The following MARCHF8 variants were observed in gnomAD, a reference collection of about 807,000 sequenced individuals.
The protein encoded by MARCHF8 is E3 ubiquitin-protein ligase MARCHF8.
MARCHF8 carries 40 observed loss-of-function variants against 51.6 expected under a neutral mutation model. The ratio of observed to expected loss-of-function variants is 0.77; its 90% confidence interval spans 0.60 to 1.01. The LOEUF is 1.01. Among genes scored for constraint, MARCHF8 ranks in the 50% least tolerant of loss-of-function variants. The probability of loss-of-function intolerance (pLI) is 0.00; values close to 1 mark genes in which losing one functional copy is unlikely to be tolerated. For synonymous variants in MARCHF8, 263 were observed against 280.3 expected (o/e 0.94, Z 0.62); for missense variants, 685 against 708.6 (o/e 0.97, Z 0.38).
At chr10:45,494,738 C>T (rs571683444) in intron 2 of MARCHF8, among the ~76,000 whole-genome samples, 6 of 152,268 alleles carry the variant, frequency 3.9e-5, no homozygotes, top group Admixed American at 2.0e-4. Context: ...CGTAATACCA[C>T]GAAGTAAAGC....
chr10:45,590,659 A>G (rs1031406954), intron 1 of MARCHF8, among the ~76,000 whole-genome samples: 1 of 152,254 alleles, frequency 6.6e-6, no homozygotes, highest in Non-Finnish European at 1.5e-5. Context: ...TGCCATTTAT[A>G]TAAAGTTTAA....
intron 2 of MARCHF8, among the ~76,000 whole-genome samples, chr10:45,518,009 A>T (rs541825687): frequency 1.6e-4 from 25 of 152,236 alleles, no homozygotes; most frequent in Non-Finnish European, 3.5e-4. Context: ...GAATATTTTA[A>T]GTTAAAACTT....
intron 1 of MARCHF8, among the ~76,000 whole-genome samples, chr10:45,571,903 T>G (rs2044433078): frequency 6.6e-6 from 1 of 152,208 alleles, no homozygotes; most frequent in South Asian, 2.1e-4. Context: ...AGTCATAGAC[T>G]CAGGAAGACA....
chr10:45,471,827 G>T (rs1314293723), intron 3 of MARCHF8, among the ~76,000 whole-genome samples: 4 of 152,144 alleles, frequency 2.6e-5, no homozygotes, highest in Non-Finnish European at 5.9e-5. Flanking sequence ...ACCACTCCAG[G>T]CACACCTCCA....
intron 6 of MARCHF8, 156 bp downstream of exon 6, chr10:45,461,075 A>C (rs1288864930): frequency 2.2e-6 from 1 of 464,526 alleles, no homozygotes; most frequent in African/African-American, 2.0e-5. Flanking sequence ...GAAAATCAGC[A>C]CCAGAAACAA....
intron 3 of MARCHF8, among the ~76,000 whole-genome samples, chr10:45,487,608 C>G (rs2043005470): frequency 1.3e-5 from 2 of 152,012 alleles, no homozygotes; most frequent in African/African-American, 4.8e-5. Context: ...GCCAAAGGGA[C>G]AGCAAAAGAA....
chr10:45,515,669 G>A (rs1004180420), intron 2 of MARCHF8, among the ~76,000 whole-genome samples: 4 of 152,244 alleles, frequency 2.6e-5, no homozygotes, highest in South Asian at 2.1e-4. Flanking sequence ...TTCACTGTCC[G>A]GACATGTGTA....
At chr10:45,550,687 A>T (rs191977823) in intron 1 of MARCHF8, among the ~76,000 whole-genome samples, 9,359 of 151,800 alleles carry the variant, frequency 0.062, 322 homozygotes, top group Non-Finnish European at 0.066. Flanking sequence ...CATGCCATGT[A>T]CAACCTTACC....
chr10:45,586,571 G>C (rs1220404041), intron 1 of MARCHF8, among the ~76,000 whole-genome samples: 1 of 152,086 alleles, frequency 6.6e-6, no homozygotes, highest in Non-Finnish European at 1.5e-5. Context: ...GTTTTCCAAA[G>C]TGCCTGTACA....
upstream of MARCHF8, among the ~76,000 whole-genome samples, chr10:45,538,112 T>C (rs578048517): frequency 6.6e-6 from 1 of 152,164 alleles, no homozygotes; most frequent in Non-Finnish European, 1.5e-5. Flanking sequence ...GACTAACAGC[T>C]GATCTCTCGG....
Position 45,463,530 on chromosome 10 carries a change from C to T in MARCHF8, c.709G>A (p.Gly237Ser), listed in dbSNP as rs770070113. 6.4e-7 allele frequency: 1 copy of T among 1,550,640 alleles called. No individual in the cohort carries two copies. Among genetic ancestry groups the T allele is most frequent in the Non-Finnish European group, 8.7e-7 (1 of 1,147,006 alleles). Residue 237 changes from glycine to serine, a missense_variant, in exon 5 of 8, where the codon GGC becomes AGC. Physicochemically the swap from Gly to Ser is moderately conservative, Grantham distance 56. Coordinates refer to ENST00000453424, the MANE Select transcript of MARCHF8 (RefSeq NM_001282866.2). ...TCTTCCAGCAGCAGGCCGGGCCTGC[C>T]CCCCTTGCCAGCTTCCACCTCTGAG... ...TASEVEAGKG[G>S]RPGLLLEEKA...
intron 2 of MARCHF8, among the ~76,000 whole-genome samples, chr10:45,501,389 A>C (rs2133143883): frequency 6.6e-6 from 1 of 152,242 alleles, no homozygotes; most frequent in South Asian, 2.1e-4. Context: ...AATATGCCCA[A>C]CTGATTTTTA....
rs548541288 is a variant in MARCHF8 at position 45,496,579 on chromosome 10, T to C, written c.103-7162A>G. The stretch of plus-strand genomic sequence containing the variant: ...AATAACAAACTGTATAAACATATAA[T>C]GCTCTCCTTTCCTTTATGTCTTTAA... On this transcript the variant is annotated intron_variant, in intron 2 of 7. Transcript: ENST00000453424. Among the ~76,000 whole-genome samples the C allele has an allele frequency of 3.7e-4, 56 of 152,282 alleles. 1 individual carries two copies. In the South Asian group the frequency reaches 0.012, roughly 32 times the overall value.
At chr10:45,578,030 T>G (rs2044509531) in intron 1 of MARCHF8, among the ~76,000 whole-genome samples, 1 of 152,230 alleles carries the variant, frequency 6.6e-6, no homozygotes, top group African/African-American at 2.4e-5. Flanking sequence ...TCTAAAAAAA[T>G]TGTTTAATAA....
At position 45,461,425 on chromosome 10, in the gene MARCHF8, A is replaced by C; in HGVS notation, c.1089-14T>G. The C allele has an allele frequency of 6.5e-7, 1 of 1,528,520 alleles. No homozygotes were observed. The highest frequency in any genetic ancestry group is 8.8e-7 in the Non-Finnish European group (1 of 1,137,714). The allele number at this position is 1,528,520 out of a possible 1,614,324, so 94.7% of individuals were successfully genotyped here. A position where few individuals can be genotyped will look rare whatever the true frequency, so the allele number is the denominator to read the frequency against. On this transcript the variant is annotated splice_polypyrimidine_tract_variant and intron_variant, in intron 5 of 7. Coordinates refer to ENST00000453424, the MANE Select transcript of MARCHF8 (RefSeq NM_001282866.2). Reference sequence around the variant, plus strand: ...CAGTGGCAGATCCTATGGTGGAAGGAAAACCTGTCATTCCAAGGACAGTCC... The same window carrying C: ...CAGTGGCAGATCCTATGGTGGAAGGCAAACCTGTCATTCCAAGGACAGTCC...
intron 2 of MARCHF8, among the ~76,000 whole-genome samples, 184 bp downstream of exon 2, chr10:45,532,926 T>C (rs1336281253): frequency 2.0e-5 from 3 of 152,184 alleles, no homozygotes; most frequent in African/African-American, 4.8e-5. Flanking sequence ...AACAGTAGTT[T>C]ACACCAAAAT....
chr10:45,574,557 C>T (rs1016569669), intron 1 of MARCHF8, among the ~76,000 whole-genome samples: 5 of 152,146 alleles, frequency 3.3e-5, no homozygotes, highest in African/African-American at 9.7e-5. Context: ...ATTACCTGGG[C>T]TGTACTGCCA....
intron 1 of MARCHF8, among the ~76,000 whole-genome samples, chr10:45,542,236 A>G (rs1281572363): frequency 6.7e-6 from 1 of 150,068 alleles, no homozygotes; most frequent in Non-Finnish European, 1.5e-5. Flanking sequence ...GTCCCCAGCT[A>G]CTTGGTAGGC....
chr10:45,511,170 A>C (rs367623078), intron 2 of MARCHF8, among the ~76,000 whole-genome samples: 1 of 151,022 alleles, frequency 6.6e-6, no homozygotes, highest in East Asian at 1.9e-4. Flanking sequence ...CTGAATATGA[A>C]GTAAGGGTTT....
Sources: allele counts gnomAD v4.1 joint callset (sites outside exome capture counted in the v4.1 genomes callset), GRCh38; gene constraint gnomAD v4.1.1; transcripts MANE v1.5; gene names NCBI Gene and HGNC (gene_info 2026-07-23, HGNC 2026-07-21).